Variants in TACR3 observed in about 807,000 individuals in gnomAD.
TACR3 encodes neuromedin-K receptor.
Under a neutral mutation model 35.0 loss-of-function variants are expected in TACR3, and 34 were observed. That is an observed-to-expected ratio of 0.97 (90% CI 0.74 to 1.30). TACR3 has a LOEUF of 1.30. Among genes scored for constraint, TACR3 ranks in the 50% most tolerant of loss-of-function variants. TACR3 has a pLI of 0.00. For missense variants in TACR3, 558 were observed against 591.7 expected (o/e 0.94, Z 0.59); for synonymous variants, 233 against 221.1 (o/e 1.05, Z -0.48).
intron 3 of TACR3, among the ~76,000 whole-genome samples, chr4:103,627,915 C>T (rs572572795): frequency 5.3e-4 from 80 of 152,114 alleles, no homozygotes; most frequent in Middle Eastern, 3.4e-3. Context: ...CCTCAGCAAA[C>T]GTAAAAGAAC....
intron 1 of TACR3, among the ~76,000 whole-genome samples, chr4:103,710,640 T>C (rs1722924715): frequency 6.6e-6 from 1 of 151,760 alleles, no homozygotes; most frequent in Admixed American, 6.6e-5. Context: ...AAAACTAAGA[T>C]CAGAGCAGAA....
At chr4:103,638,506 A>T (rs181646210) in intron 3 of TACR3, among the ~76,000 whole-genome samples, 7 of 151,912 alleles carry the variant, frequency 4.6e-5, no homozygotes, top group East Asian at 1.9e-4. Flanking sequence ...AACCTAGGCG[A>T]TACCATTCAG....
intron 3 of TACR3, among the ~76,000 whole-genome samples, chr4:103,615,394 TGTGTGAGAGA>T (rs1313585128): frequency 2.3e-4 from 23 of 98,968 alleles, no homozygotes; most frequent in African/African-American, 8.6e-4. Flanking sequence ...TGTGTGTGTG[TGTGTGAGAGA>T]GAGAGAGAGA....
chr4:103,710,849 G>A (rs1722934161), intron 1 of TACR3, among the ~76,000 whole-genome samples: 1 of 152,114 alleles, frequency 6.6e-6, no homozygotes, highest in Admixed American at 6.5e-5. Context: ...TACCATCAGA[G>A]AACACTATAA....
chr4:103,689,958 C>A (rs1032510675), intron 1 of TACR3, among the ~76,000 whole-genome samples: 2 of 151,628 alleles, frequency 1.3e-5, no homozygotes, highest in African/African-American at 4.9e-5. Flanking sequence ...TTGCAGTTGA[C>A]AAGAGAAAAA....
intron 1 of TACR3, among the ~76,000 whole-genome samples, chr4:103,697,201 A>G (rs1722539314): frequency 2.0e-5 from 3 of 152,176 alleles, no homozygotes; most frequent in Non-Finnish European, 1.5e-5. Context: ...AATCAGTGAC[A>G]GATTTTGAAA....
chr4:103,629,774 G>T (rs1725002080), intron 3 of TACR3, among the ~76,000 whole-genome samples: 1 of 136,272 alleles, frequency 7.3e-6, no homozygotes, highest in Admixed American at 7.9e-5. Flanking sequence ...TTTCTTCACA[G>T]AATTGGAATA....
chr4:103,662,439 C>T (rs1220750410), intron 1 of TACR3, among the ~76,000 whole-genome samples: 3 of 152,032 alleles, frequency 2.0e-5, no homozygotes, highest in Non-Finnish European at 2.9e-5. Flanking sequence ...AGGCTGGTCT[C>T]GAATTCCTGA....
chr4:103,699,579 C>T (rs1722600324), intron 1 of TACR3, among the ~76,000 whole-genome samples: 1 of 152,058 alleles, frequency 6.6e-6, no homozygotes, highest in African/African-American at 2.4e-5. Flanking sequence ...GGTAAGAAAA[C>T]CAGTTAGGTG....
At chr4:103,715,684 G>A (rs1188892262) in intron 1 of TACR3, among the ~76,000 whole-genome samples, 1 of 152,056 alleles carries the variant, frequency 6.6e-6, no homozygotes, top group South Asian at 2.1e-4. Context: ...TTTACTATAT[G>A]TTATAATAAA....
Position 103,589,520 on chromosome 4 carries a change from T to G in TACR3, c.*162A>C. ...GGAGGCTAACATGTTATTAGTGTCT[T>G]TGTCACATTTATACACTACCTTTCT... is the stretch of plus-strand genomic sequence containing the variant. On this transcript the variant is annotated 3_prime_UTR_variant, in exon 5 of 5. Transcript: ENST00000304883. 1.4e-6 allele frequency: 1 copy of G among 695,284 alleles called. No individual in the cohort carries two copies. The highest frequency in any genetic ancestry group is 2.4e-6 in the Non-Finnish European group (1 of 420,270). The allele number at this position is 695,284 out of a possible 1,614,324, so 43.1% of individuals were successfully genotyped here. A position where few individuals can be genotyped will look rare whatever the true frequency, so the allele number is the denominator to read the frequency against.
At chr4:103,629,882 AACAACAAC>A (rs1725019192) in intron 3 of TACR3, among the ~76,000 whole-genome samples, 1 of 119,892 alleles carries the variant, frequency 8.3e-6, no homozygotes, top group African/African-American at 3.5e-5. Context: ...CAAAAAAAAC[AACAACAAC>A]AACAAAAAAA....
intron 1 of TACR3, among the ~76,000 whole-genome samples, chr4:103,687,131 AC>A (rs1560531426): frequency 6.6e-6 from 1 of 152,102 alleles, no homozygotes; most frequent in Non-Finnish European, 1.5e-5. Context: ...TATAAACAGA[AC>A]CAAAGACAAA....
chr4:103,628,343 C>A (rs1328322333), intron 3 of TACR3, among the ~76,000 whole-genome samples: 2 of 152,020 alleles, frequency 1.3e-5, no homozygotes, highest in Admixed American at 6.6e-5. Context: ...TTCAAAAAAT[C>A]AATGAATCCA....
chr4:103,637,664 T>C (rs1725224855), intron 3 of TACR3, among the ~76,000 whole-genome samples: 1 of 152,174 alleles, frequency 6.6e-6, no homozygotes, highest in South Asian at 2.1e-4. Flanking sequence ...TGTTTGCAGA[T>C]GACATGAATT....
At chr4:103,680,302 G>C (rs1726263039) in intron 1 of TACR3, among the ~76,000 whole-genome samples, 1 of 151,548 alleles carries the variant, frequency 6.6e-6, no homozygotes, top group Non-Finnish European at 1.5e-5. Context: ...ATGGTGCTTA[G>C]TCTGTAGAAA....
chr4:103,599,286 G>A (rs528505208), intron 3 of TACR3, among the ~76,000 whole-genome samples: 168 of 152,116 alleles, frequency 1.1e-3, no homozygotes, highest in African/African-American at 3.9e-3. Flanking sequence ...AATGCTTGTG[G>A]TTTTTGTACA....
At chr4:103,699,507 A>T (rs776765139) in intron 1 of TACR3, among the ~76,000 whole-genome samples, 1 of 152,176 alleles carries the variant, frequency 6.6e-6, no homozygotes, top group Non-Finnish European at 1.5e-5. Flanking sequence ...TTGTGATTCC[A>T]TTGCTAATAG....
chr4:103,715,879 CAT>C (rs1209297443), intron 1 of TACR3, among the ~76,000 whole-genome samples: 1 of 151,904 alleles, frequency 6.6e-6, no homozygotes, highest in Non-Finnish European at 1.5e-5. Context: ...TCAAGTAAAA[CAT>C]AGAATATATA....
Sources: gnomAD v4.1 joint callset for allele counts (sites outside exome capture counted in the v4.1 genomes callset) on GRCh38, gnomAD v4.1.1 for gene constraint, MANE v1.5 for transcripts, NCBI Gene and HGNC (gene_info 2026-07-23, HGNC 2026-07-21) for gene names.